The following ROR2 variants were observed in gnomAD, a reference collection of about 807,000 sequenced individuals.
The protein encoded by ROR2 is ROR family WNT receptor 2, also known as tyrosine-protein kinase transmembrane receptor ROR2.
A neutral mutation model predicts 74.9 loss-of-function variants in ROR2; 33 were observed. The ratio of observed to expected loss-of-function variants is 0.44; its 90% confidence interval spans 0.33 to 0.59. The LOEUF (loss-of-function observed/expected upper bound fraction) is 0.59, where lower values mean the gene tolerates loss of function less well. Among genes scored for constraint, ROR2 ranks in the 20% least tolerant of loss-of-function variants. The pLI is 0.02. For synonymous variants in ROR2, 586 were observed against 558.7 expected (o/e 1.05, Z -0.69); for missense variants, 1,216 against 1,313.8 (o/e 0.93, Z 1.15).
At chr9:91,873,020 A>G (rs1165515308) in intron 1 of ROR2, among the ~76,000 whole-genome samples, 1 of 152,252 alleles carries the variant, frequency 6.6e-6, no homozygotes, top group Non-Finnish European at 1.5e-5. Flanking sequence ...AGACATGACT[A>G]TTTAATGTCA....
chr9:91,810,813 G>T (rs888609799), intron 1 of ROR2, among the ~76,000 whole-genome samples: 5 of 152,176 alleles, frequency 3.3e-5, no homozygotes, highest in African/African-American at 1.2e-4. Context: ...TCACACACAG[G>T]GAATGCGGCC....
At chr9:91,785,999 G>A (rs1826785633) in intron 1 of ROR2, among the ~76,000 whole-genome samples, 2 of 152,038 alleles carry the variant, frequency 1.3e-5, no homozygotes, top group Non-Finnish European at 2.9e-5. Context: ...CACGACAGAA[G>A]TGTCTCCAAT....
chr9:91,755,424 C>A (rs1206133401), intron 4 of ROR2, among the ~76,000 whole-genome samples: 1 of 152,244 alleles, frequency 6.6e-6, no homozygotes, highest in Non-Finnish European at 1.5e-5. Flanking sequence ...CACTGCTCAT[C>A]TCAAACACCG....
At chr9:91,948,978 C>A in intron 1 of ROR2, 1 of 953,838 alleles carries the variant, frequency 1.0e-6, no homozygotes, top group Non-Finnish European at 1.2e-6. Flanking sequence ...CACTTCCGAA[C>A]CTCCCCGCCG....
At chr9:91,859,686 G>T (rs769418965) in intron 1 of ROR2, among the ~76,000 whole-genome samples, 1 of 152,032 alleles carries the variant, frequency 6.6e-6, no homozygotes, top group African/African-American at 2.4e-5. Flanking sequence ...TTAGCCGGTC[G>T]TGGTGGTGCA....
intron 2 of ROR2, among the ~76,000 whole-genome samples, chr9:91,770,201 G>T (rs1442307511): frequency 6.6e-6 from 1 of 152,246 alleles, no homozygotes; most frequent in Non-Finnish European, 1.5e-5. Flanking sequence ...GCTCCCCTGT[G>T]CATCCTTATT....
At chr9:91,911,468 C>T (rs1830977938) in intron 1 of ROR2, among the ~76,000 whole-genome samples, 1 of 151,926 alleles carries the variant, frequency 6.6e-6, no homozygotes, top group Admixed American at 6.6e-5. Context: ...CGTATGAGAC[C>T]ACCATTGTAT....
At chr9:91,807,895 T>TC (rs1340630163) in intron 1 of ROR2, among the ~76,000 whole-genome samples, 2 of 152,224 alleles carry the variant, frequency 1.3e-5, no homozygotes, top group African/African-American at 4.8e-5. Context: ...GATGACACTG[T>TC]CCATTTCTTC....
chr9:91,916,968 C>A (rs1366593572), intron 1 of ROR2, among the ~76,000 whole-genome samples: 1 of 152,092 alleles, frequency 6.6e-6, no homozygotes, highest in Non-Finnish European at 1.5e-5. Context: ...AGACGCTCTG[C>A]TTTTCCTTGC....
chr9:91,931,043 G>C (rs539062682), intron 1 of ROR2, among the ~76,000 whole-genome samples: 1 of 151,920 alleles, frequency 6.6e-6, no homozygotes, highest in Non-Finnish European at 1.5e-5. Context: ...ACAAACAAAA[G>C]GGAGAAAAAA....
chr9:91,730,837 C>G, intron 7 of ROR2, 73 bp downstream of exon 7: 3 of 1,598,874 alleles, frequency 1.9e-6, no homozygotes, highest in Non-Finnish European at 2.6e-6. Flanking sequence ...CAACCCAGGT[C>G]AGGACAGAAC....
intron 4 of ROR2, among the ~76,000 whole-genome samples, chr9:91,740,160 T>C (rs921509301): frequency 6.6e-6 from 1 of 152,124 alleles, no homozygotes; most frequent in African/African-American, 2.4e-5. Flanking sequence ...GCAAGGGATG[T>C]AAGGAAGATG....
intron 1 of ROR2, among the ~76,000 whole-genome samples, chr9:91,903,515 C>T (rs915586940): frequency 3.9e-5 from 6 of 152,158 alleles, no homozygotes; most frequent in African/African-American, 1.4e-4. Context: ...GCCATTCCTA[C>T]ATCTCCAAAT....
At chr9:91,920,733 T>A (rs1477138954) in intron 1 of ROR2, among the ~76,000 whole-genome samples, 3 of 151,954 alleles carry the variant, frequency 2.0e-5, no homozygotes, top group Non-Finnish European at 4.4e-5. Flanking sequence ...CAAATACACA[T>A]GACAGATAGG....
At chr9:91,921,127 G>A (rs533947988) in intron 1 of ROR2, among the ~76,000 whole-genome samples, 12 of 152,186 alleles carry the variant, frequency 7.9e-5, no homozygotes, top group Admixed American at 6.5e-5. Flanking sequence ...AAGAAGTAGC[G>A]GACAGGAGAA....
intron 1 of ROR2, among the ~76,000 whole-genome samples, chr9:91,857,589 G>A (rs1009689031): frequency 1.3e-5 from 2 of 152,196 alleles, no homozygotes; most frequent in African/African-American, 2.4e-5. Context: ...GCCTGACTGC[G>A]TCAGGAGTGA....
chr9:91,938,235 G>C (rs1311206043), intron 1 of ROR2, among the ~76,000 whole-genome samples: 1 of 152,198 alleles, frequency 6.6e-6, no homozygotes, highest in African/African-American at 2.4e-5. Context: ...AAAGTGGAGG[G>C]ATCTCTTGAG....
rs202150722 is a variant in ROR2, at chr9:91,905,579, TAC to T, written c.97+44286_97+44287del. Among the ~76,000 whole-genome samples, 1,899 of 150,994 alleles carry T rather than the reference TAC, an allele frequency of 0.013. 43 individuals carry two copies. The highest frequency in any genetic ancestry group is 0.043 in the African/African-American group (1,762 of 41,034). On this transcript the variant is annotated intron_variant, in intron 1 of 8. Coordinates refer to ENST00000375708, the MANE Select transcript of ROR2 (RefSeq NM_004560.4). This position sits in a 1 kb window ranked among gnomAD's most constrained non-coding sequence, Gnocchi z 5.3. ...AACACATACACAAACATACAACACA[TAC>T]ACAAACATCACACATGCCACACACA...
chr9:91,754,700 G>A (rs1825691213), intron 4 of ROR2, among the ~76,000 whole-genome samples: 2 of 152,022 alleles, frequency 1.3e-5, no homozygotes, highest in Non-Finnish European at 2.9e-5. Context: ...TAAAATAAGA[G>A]AGAACAATAG....
Sources: gnomAD v4.1 joint callset for allele counts (sites outside exome capture counted in the v4.1 genomes callset) on GRCh38, gnomAD v4.1.1 for gene constraint, Gnocchi (gnomAD v3.1) non-coding constraint, MANE v1.5 for transcripts, NCBI Gene and HGNC (gene_info 2026-07-23, HGNC 2026-07-21) for gene names.